Variants in ALG10B observed in about 807,000 individuals in gnomAD.
The protein encoded by ALG10B is dol-P-Glc:Glc(2)Man(9)GlcNAc(2)-PP-Dol alpha-1,2-glucosyltransferase B.
Under a neutral mutation model 38.7 loss-of-function variants are expected in ALG10B, and 27 were observed. That is an observed-to-expected ratio of 0.70 (90% CI 0.51 to 0.96). The LOEUF is 0.96. Ranked by LOEUF, ALG10B falls within the 40% of genes least tolerant of loss-of-function variation. The probability of loss-of-function intolerance (pLI) is 0.00; values close to 1 mark genes in which losing one functional copy is unlikely to be tolerated. For missense variants in ALG10B, 522 were observed against 542.7 expected, an observed-to-expected ratio of 0.96 and a Z score of 0.38; for synonymous variants, 177 against 193.3, an observed-to-expected ratio of 0.92 and a Z score of 0.70.
rs927489060 is a variant in ALG10B, at chr12:38,322,712, A to C, written c.*1499A>C. 21 of 152,226 alleles carry C rather than the reference A, an allele frequency of 1.4e-4. No individual in the cohort carries two copies. Among genetic ancestry groups the C allele is most frequent in the African/African-American group, 4.8e-4 (20 of 41,566 alleles). 9.4% of individuals were successfully genotyped at this position (152,226 alleles called of 1,614,324 possible). ...GTGTAATAGATCTAAAAAAAGTCAAACATATTCCTTCTATCTAATTGAGGC... is the reference window on the plus strand; with the variant it reads ...GTGTAATAGATCTAAAAAAAGTCAACCATATTCCTTCTATCTAATTGAGGC... On this transcript the variant is annotated 3_prime_UTR_variant, in exon 3 of 3. Coordinates refer to ENST00000308742, the MANE Select transcript of ALG10B (RefSeq NM_001013620.4).
In ALG10B at chr12:38,325,550, G is replaced by A. The variant is rs1204794479; in HGVS notation, c.*4337G>A. 2.6e-5 allele frequency: 4 copies of A among 152,218 alleles called. No individual in the cohort carries two copies. Among genetic ancestry groups the A allele is most frequent in the South Asian group, 2.1e-4 (1 of 4,830 alleles). 9.4% of individuals were successfully genotyped at this position (152,218 alleles called of 1,614,324 possible). On this transcript the variant is annotated 3_prime_UTR_variant, in exon 3 of 3. Transcript: ENST00000308742. The stretch of plus-strand genomic sequence containing the variant: ...TTTTGTGTTTATTAGGTTAGCAAGC[G>A]TTTATTATCTTTGAAGTAATTGGAA...
At position 38,320,274 on chromosome 12, in the gene ALG10B, T is replaced by G; in HGVS notation, c.483T>G (p.Leu161=). Residue 161 remains leucine (L), a synonymous_variant, in exon 3 of 3, where the codon CTT becomes CTG. Coordinates refer to ENST00000308742, the MANE Select transcript of ALG10B (RefSeq NM_001013620.4). ...YTEAGSMFFT[L]FAYLMCLYGN... ...AAGCAGGATCTATGTTTTTTACTCT[T>G]TTTGCATATTTGATGTGTCTTTATG... The G allele has an allele frequency of 6.2e-7, 1 of 1,614,092 alleles. No individual in the cohort carries two copies. The highest frequency in any genetic ancestry group is 8.5e-7 in the Non-Finnish European group (1 of 1,179,960).
At position 38,326,155 on chromosome 12, in the gene ALG10B, A is replaced by G. The variant is rs1472875802; in HGVS notation, c.*4942A>G. The G allele has an allele frequency of 1.3e-5, 2 of 151,642 alleles. No individual in the cohort carries two copies. The highest frequency in any genetic ancestry group is 4.8e-5 in the African/African-American group (2 of 41,384). 9.4% of individuals were successfully genotyped at this position (151,642 alleles called of 1,614,324 possible). A position where few individuals can be genotyped will look rare whatever the true frequency, so the allele number is the denominator to read the frequency against. On this transcript the variant is annotated 3_prime_UTR_variant, in exon 3 of 3. Coordinates refer to ENST00000308742, the MANE Select transcript of ALG10B (RefSeq NM_001013620.4). ...ATTTTGTAAGCTTTCTTAAAACATG[A>G]TGAGATATTTTGTGATTTTATTTTA...
At position 38,320,379 on chromosome 12, in the gene ALG10B, T is replaced by C; in HGVS notation, c.588T>C (p.Cys196=). Residue 196 remains cysteine (C), a synonymous_variant, in exon 3 of 3, where the codon TGT becomes TGC. Transcript: ENST00000308742. ...CAAATATCATCTGGGCTGTCTTCTG[T>C]GCAGGGAATGTCATTGCACAAAAGT... ...RQTNIIWAVF[C]AGNVIAQKLT... is the part of the protein sequence containing the mutation. 6.2e-7 allele frequency: 1 copy of C among 1,614,098 alleles called. No homozygotes were observed. The highest frequency in any genetic ancestry group is 8.5e-7 in the Non-Finnish European group (1 of 1,179,976).
At chr12:38,319,713 C>T (rs1233512461) in intron 2 of ALG10B, among the ~76,000 whole-genome samples, 3 of 152,106 alleles carry the variant, frequency 2.0e-5, no homozygotes, top group Non-Finnish European at 2.9e-5. Context: ...TTTACATTCT[C>T]CCTTGTGTAG....
In ALG10B at chr12:38,327,576, A is replaced by G. The variant is rs1945755837; in HGVS notation, c.*6363A>G. 1 of 152,190 alleles carries G rather than the reference A, an allele frequency of 6.6e-6. No homozygotes were observed. The highest frequency in any genetic ancestry group is 2.4e-5 in the African/African-American group (1 of 41,448). 9.4% of individuals were successfully genotyped at this position (152,190 alleles called of 1,614,324 possible). On this transcript the variant is annotated 3_prime_UTR_variant, in exon 3 of 3. Transcript: ENST00000308742. ...AAGTCCACACTGTCACTAAATGAACATAGATTGGTATGACTCCCAAGCCTG... is the reference window on the plus strand; with the variant it reads ...AAGTCCACACTGTCACTAAATGAACGTAGATTGGTATGACTCCCAAGCCTG...
Position 38,329,062 on chromosome 12 carries a change from G to A in ALG10B, c.*7849G>A, listed in dbSNP as rs1258295372. 5 of 395,774 alleles carry A rather than the reference G, an allele frequency of 1.3e-5. No individual in the cohort carries two copies. Among genetic ancestry groups the A allele is most frequent in the African/African-American group, 2.1e-5 (1 of 48,562 alleles). The allele number at this position is 395,774 out of a possible 1,614,324, so 24.5% of individuals were successfully genotyped here. On this transcript the variant is annotated 3_prime_UTR_variant, in exon 3 of 3. Coordinates refer to ENST00000308742, the MANE Select transcript of ALG10B (RefSeq NM_001013620.4). ...TATTCTTAACTCTATTGTTATGATGGAGAAAGGCATGAAGTCTACCTTCAA... is the reference window on the plus strand; with the variant it reads ...TATTCTTAACTCTATTGTTATGATGAAGAAAGGCATGAAGTCTACCTTCAA...
rs913784118 is a variant in ALG10B at position 38,323,699 on chromosome 12, C to T, written c.*2486C>T. ...GTACTCTAGTACTCAGAAAATAGAT[C>T]GGCATTAGTTATAACAGTGATTGTA... On this transcript the variant is annotated 3_prime_UTR_variant, in exon 3 of 3. Transcript: ENST00000308742. The T allele has an allele frequency of 1.7e-5, 9 of 541,122 alleles. No homozygotes were observed. The highest frequency in any genetic ancestry group is 2.9e-5 in the East Asian group (1 of 33,992). The allele number at this position is 541,122 out of a possible 1,614,324, so 33.5% of individuals were successfully genotyped here.
rs1945761353 is a variant in ALG10B at position 38,328,062 on chromosome 12, T to C, written c.*6849T>C. Reference sequence around the variant, plus strand: ...AGAAAAAAAGTAAGATTCTCATTCATTGGAGATAAGATTTCTATTTATCAA... The same window carrying C: ...AGAAAAAAAGTAAGATTCTCATTCACTGGAGATAAGATTTCTATTTATCAA... On this transcript the variant is annotated 3_prime_UTR_variant, in exon 3 of 3. Coordinates refer to ENST00000308742, the MANE Select transcript of ALG10B (RefSeq NM_001013620.4). 1 of 152,182 alleles carries C rather than the reference T, an allele frequency of 6.6e-6. No homozygotes were observed. The highest frequency in any genetic ancestry group is 6.5e-5 in the Admixed American group (1 of 15,274). The allele number at this position is 152,182 out of a possible 1,614,324, so 9.4% of individuals were successfully genotyped here.
In ALG10B at chr12:38,326,538, GAAAATATTCTTATTTCTATTTAAAATA is replaced by G; in HGVS notation, c.*5327_*5353del. 7.6e-5 allele frequency: 2 copies of G among 26,216 alleles called. No homozygotes were observed. The highest frequency in any genetic ancestry group is 1.3e-4 in the Non-Finnish European group (2 of 15,868). The allele number at this position is 26,216 out of a possible 1,614,324, so 1.6% of individuals were successfully genotyped here. ...AATAATTGCTTTTTATTTAAAATAA[GAAAATATTCTTATTTCTATTTAAAATA>G]AGAAAAATCAGTAACCTTCAACGAA... On this transcript the variant is annotated 3_prime_UTR_variant, in exon 3 of 3. Coordinates refer to ENST00000308742, the MANE Select transcript of ALG10B (RefSeq NM_001013620.4).
In ALG10B at chr12:38,323,605, A is replaced by T; in HGVS notation, c.*2392A>T. ...TTAAGTGATGAGTCTACATTTACAAATATAAAATTGTGTGCAGGTGAAAAT... is the reference window on the plus strand; with the variant it reads ...TTAAGTGATGAGTCTACATTTACAATTATAAAATTGTGTGCAGGTGAAAAT... On this transcript the variant is annotated 3_prime_UTR_variant, in exon 3 of 3. Transcript: ENST00000308742. 3.1e-6 allele frequency: 1 copy of T among 324,486 alleles called. No individual in the cohort carries two copies. Among genetic ancestry groups the T allele is most frequent in the Non-Finnish European group, 5.7e-6 (1 of 176,054 alleles). 20.1% of individuals were successfully genotyped at this position (324,486 alleles called of 1,614,324 possible).
upstream of ALG10B, chr12:38,316,743 C>G (rs1945658009): frequency 4.5e-6 from 6 of 1,332,026 alleles, no homozygotes; most frequent in Non-Finnish European, 6.4e-6. Flanking sequence ...TCCGGATCCG[C>G]GCTCTCCCAG....
In ALG10B at chr12:38,320,791, G is replaced by T; in HGVS notation, c.1000G>T (p.Val334Leu). Reference protein sequence around the residue: ...ILFLVVTLVSVFLVWKFTYAH... With the variant: ...ILFLVVTLVSLFLVWKFTYAH... ...GTTTTTGGTGGTTACCTTAGTCTCT[G>T]TGTTTTTAGTTTGGAAATTCACTTA... The change falls in exon 3 of 3, where the codon GTG (valine) becomes TTG (leucine). Residue 334 changes from valine to leucine, a missense_variant. By Grantham distance (32) the Val-to-Leu change is conservative. Transcript: ENST00000308742. 6.2e-7 allele frequency: 1 copy of T among 1,613,742 alleles called. No individual in the cohort carries two copies. Among genetic ancestry groups the T allele is most frequent in the Non-Finnish European group, 8.5e-7 (1 of 1,179,886 alleles).
chr12:38,329,235 T>C lies in ALG10B; in HGVS notation c.*8022T>C, dbSNP rs982675630. 2.0e-5 allele frequency: 8 copies of C among 398,380 alleles called. No homozygotes were observed. Among genetic ancestry groups the C allele is most frequent in the African/African-American group, 1.6e-4 (8 of 48,628 alleles). 24.7% of individuals were successfully genotyped at this position (398,380 alleles called of 1,614,324 possible). A position where few individuals can be genotyped will look rare whatever the true frequency, so the allele number is the denominator to read the frequency against. On this transcript the variant is annotated 3_prime_UTR_variant, in exon 3 of 3. Transcript: ENST00000308742. The stretch of plus-strand genomic sequence containing the variant: ...CTACCATTGTGTCTTTTGTTTCTGT[T>C]TTTGTCATGATACCTCAAATTGATA...
At position 38,320,669 on chromosome 12, in the gene ALG10B, A is replaced by C; in HGVS notation, c.878A>C (p.Tyr293Ser). 1 of 1,613,496 alleles carries C rather than the reference A, an allele frequency of 6.2e-7. No homozygotes were observed. The highest frequency in any genetic ancestry group is 8.5e-7 in the Non-Finnish European group (1 of 1,179,854). ...EACLHFPQLF[Y>S]FFSFTLFFSF... ...TGTCTTCATTTTCCTCAACTATTCT[A>C]CTTTTTTTCATTTACTCTCTTTTTT... Residue 293 changes from tyrosine to serine, a missense_variant, in exon 3 of 3, where the codon TAC becomes TCC. Tyr to Ser is a moderately radical substitution (Grantham distance 144). Coordinates refer to ENST00000308742, the MANE Select transcript of ALG10B (RefSeq NM_001013620.4).
chr12:38,316,832 C>G lies in ALG10B; in HGVS notation c.-62C>G. The G allele has an allele frequency of 6.2e-7, 1 of 1,613,328 alleles. No individual in the cohort carries two copies. Among genetic ancestry groups the G allele is most frequent in the South Asian group, 1.1e-5 (1 of 91,032 alleles). On this transcript the variant is annotated 5_prime_UTR_variant, in exon 1 of 3. Transcript: ENST00000308742. ...CCATTTCGAGCCCAAGTTTCCAGCT[C>G]GGGTTTCCGGGCTCAGAATTTTCCA...
chr12:38,316,859 G>C lies in ALG10B; in HGVS notation c.-35G>C. On this transcript the variant is annotated 5_prime_UTR_variant, in exon 1 of 3. Transcript: ENST00000308742. The stretch of plus-strand genomic sequence containing the variant: ...GGTTTCCGGGCTCAGAATTTTCCAG[G>C]AGTGGGTTCTTGGGCAGTGGCTGTG... 1 of 1,613,924 alleles carries C rather than the reference G, an allele frequency of 6.2e-7. No homozygotes were observed.
In ALG10B at chr12:38,318,368, T is replaced by C; in HGVS notation, c.279T>C (p.Ile93=). Residue 93 remains isoleucine, a synonymous_variant, in exon 2 of 3, where the codon ATT becomes ATC. Transcript: ENST00000308742. ...GGTCTGAACATGTTGTCTGCTCCAT[T>C]GGGATGCTCAGATTTGTTAATCTTC... is the stretch of plus-strand genomic sequence containing the variant. ...FAWSEHVVCS[I]GMLRFVNLLF... is the part of the protein sequence containing the mutation. 1 of 1,614,172 alleles carries C rather than the reference T, an allele frequency of 6.2e-7. No homozygotes were observed. The highest frequency in any genetic ancestry group is 1.6e-4 in the Middle Eastern group (1 of 6,062).
upstream of ALG10B, chr12:38,316,769 G>A: frequency 6.6e-7 from 1 of 1,524,260 alleles, no homozygotes; most frequent in Non-Finnish European, 9.1e-7. Context: ...TTTGCCTTCC[G>A]GTATGTGGCC....
Sources: gnomAD v4.1 joint callset for allele counts (sites outside exome capture counted in the v4.1 genomes callset) on GRCh38, gnomAD v4.1.1 for gene constraint, MANE v1.5 for transcripts, NCBI Gene and HGNC (gene_info 2026-07-23, HGNC 2026-07-21) for gene names.